The following IQSEC1 variants were observed in gnomAD, a reference collection of about 807,000 sequenced individuals.
The protein encoded by IQSEC1 is IQ motif and SEC7 domain-containing protein 1.
A neutral mutation model predicts 91.0 loss-of-function variants in IQSEC1; 31 were observed. The observed-to-expected ratio is 0.34, with a 90% CI of 0.26 to 0.46. IQSEC1 has a LOEUF of 0.46. Among genes scored for constraint, IQSEC1 ranks in the 20% least tolerant of loss-of-function variants. The pLI, the probability that IQSEC1 is intolerant of heterozygous loss-of-function variation, is 1.00. For missense variants in IQSEC1, 1,388 were observed against 1,575.6 expected, an observed-to-expected ratio of 0.88 and a Z score of 2.02; for synonymous variants, 699 against 662.6, an observed-to-expected ratio of 1.05 and a Z score of -0.84.
Position 12,967,080 on chromosome 3 carries a change from T to C in IQSEC1, c.24-25215A>G, listed in dbSNP as rs905460432. Among the ~76,000 whole-genome samples the C allele has an allele frequency of 6.8e-6, 1 of 146,806 alleles. No individual in the cohort carries two copies. Among genetic ancestry groups the C allele is most frequent in the African/African-American group, 2.5e-5 (1 of 39,764 alleles). On this transcript the variant is annotated intron_variant, in intron 1 of 13. Coordinates refer to ENST00000613206, the MANE Select transcript of IQSEC1 (RefSeq NM_001134382.3). This position sits in a 1 kb window ranked among gnomAD's most constrained non-coding sequence, Gnocchi z 5.9. ...AACTCAAACTCACCCCCACACCAAC[T>C]TGCACTCCAACAGGCCCTCGATCAC...
intron 1 of IQSEC1, among the ~76,000 whole-genome samples, chr3:13,246,201 G>A (rs535109645): frequency 3.9e-5 from 6 of 152,350 alleles, no homozygotes; most frequent in African/African-American, 9.6e-5. Flanking sequence ...GTTCTGGGCC[G>A]CACTGCCACA....
Position 13,053,442 on chromosome 3 carries a change from G to C in IQSEC1, c.23+19550C>G, listed in dbSNP as rs544691946. 7.2e-4 allele frequency among the ~76,000 whole-genome samples: 109 copies of C among 152,318 alleles called. 1 individual carries two copies. The highest frequency in any genetic ancestry group is 2.6e-3 in the African/African-American group (109 of 41,572). Reference sequence around the variant, plus strand: ...TTTCTGGAAGGAACACCTGGATCCAGGCCTCAGGGCGGGGTCTAGGTGGCC... The same window carrying C: ...TTTCTGGAAGGAACACCTGGATCCACGCCTCAGGGCGGGGTCTAGGTGGCC... On this transcript the variant is annotated intron_variant, in intron 1 of 13. Transcript: ENST00000613206.
chr3:13,096,682 G>A (rs1476898702), intron 2 of IQSEC1, among the ~76,000 whole-genome samples: 1 of 152,098 alleles, frequency 6.6e-6, no homozygotes, highest in Non-Finnish European at 1.5e-5. Flanking sequence ...AGACCATGCT[G>A]GCAAAGGGCA....
intron 1 of IQSEC1, among the ~76,000 whole-genome samples, chr3:13,069,419 C>A (rs150397275): frequency 6.9e-4 from 105 of 152,200 alleles, no homozygotes; most frequent in African/African-American, 2.4e-3. Flanking sequence ...TGTTCCAGGC[C>A]CAGTCCCACC....
chr3:13,220,062 C>T (rs1427199811), intron 1 of IQSEC1, among the ~76,000 whole-genome samples: 2 of 152,252 alleles, frequency 1.3e-5, no homozygotes, highest in African/African-American at 2.4e-5. Flanking sequence ...CCACCACCCC[C>T]GTCACAGGCT....
chr3:13,085,784 G>T (rs139747586), intron 2 of IQSEC1, among the ~76,000 whole-genome samples: 1 of 152,238 alleles, frequency 6.6e-6, no homozygotes, highest in Non-Finnish European at 1.5e-5. Context: ...GAGACTCGTC[G>T]CTGGCCTGAG....
rs958015988 is a variant in IQSEC1 at position 12,900,110 on chromosome 3, T to G, written c.*873A>C. 18 of 977,914 alleles carry G rather than the reference T, an allele frequency of 1.8e-5. No homozygotes were observed. The African/African-American group carries it at 3.2e-4, about 17-fold the overall frequency. 60.6% of individuals were successfully genotyped at this position (977,914 alleles called of 1,614,324 possible). On this transcript the variant is annotated 3_prime_UTR_variant, in exon 14 of 14. Transcript: ENST00000613206. ...GTGTACTGCAGTTTAGCTATTTGCT[T>G]ACCTGAAATAACAGCATTATAATAC...
At chr3:13,032,100 C>T (rs927628907) in intron 1 of IQSEC1, among the ~76,000 whole-genome samples, 1 of 152,184 alleles carries the variant, frequency 6.6e-6, no homozygotes, top group Admixed American at 6.5e-5. Flanking sequence ...CACACCTGTG[C>T]TCGCATACAC....
chr3:12,970,869 C>T lies in IQSEC1; in HGVS notation c.24-29004G>A, dbSNP rs1251716478. ...GTGAGCTGTATTCCAACTGCCAGGG[C>T]TGGTTCTATGTCCTTCCCTGCAGCA... On this transcript the variant is annotated intron_variant, in intron 1 of 13. Transcript: ENST00000613206. The surrounding 1 kb of genome is among the most constrained non-coding windows in gnomAD (Gnocchi z 4.4). Among the ~76,000 whole-genome samples, 1 of 152,240 alleles carries T rather than the reference C, an allele frequency of 6.6e-6. No individual in the cohort carries two copies. The highest frequency in any genetic ancestry group is 1.5e-5 in the Non-Finnish European group (1 of 68,038).
At chr3:13,174,028 G>C (rs1314928612) in intron 1 of IQSEC1, among the ~76,000 whole-genome samples, 2 of 152,144 alleles carry the variant, frequency 1.3e-5, no homozygotes, top group Non-Finnish European at 2.9e-5. Context: ...AAGACACAAG[G>C]GCTCGAACCA....
intron 1 of IQSEC1, among the ~76,000 whole-genome samples, chr3:13,018,266 C>T (rs1703237041): frequency 6.6e-6 from 1 of 152,152 alleles, no homozygotes; most frequent in Non-Finnish European, 1.5e-5. Context: ...GTCCAGGAAG[C>T]TCCCTGGAAG....
chr3:12,991,321 G>A (rs1559704207), intron 1 of IQSEC1, among the ~76,000 whole-genome samples: 1 of 152,190 alleles, frequency 6.6e-6, no homozygotes, highest in Non-Finnish European at 1.5e-5. Context: ...GCAGGGCGAG[G>A]CGGGGGCCCA....
Position 12,901,158 on chromosome 3 carries a change from T to C in IQSEC1, c.3170A>G (p.Gln1057Arg). The C allele has an allele frequency of 6.5e-7, 1 of 1,543,192 alleles. No individual in the cohort carries two copies. Residue 1057 changes from glutamine (Q) to arginine (R), a missense_variant, in exon 14 of 14, where the codon CAG (glutamine) becomes CGG (arginine). Coordinates refer to ENST00000613206, the MANE Select transcript of IQSEC1 (RefSeq NM_001134382.3). ...HPPQHIQHAH[Q>R]YHHGPHGGHP... ...GCCCCCATGGGGGCCGTGGTGGTAC[T>C]GGTGTGCGTGCTGGATGTGCTGGGG...
At chr3:13,033,858 T>C (rs1381853623) in intron 1 of IQSEC1, among the ~76,000 whole-genome samples, 1 of 152,120 alleles carries the variant, frequency 6.6e-6, no homozygotes, top group African/African-American at 2.4e-5. Context: ...AATTGTTCAT[T>C]TCATCCAGAA....
intron 1 of IQSEC1, among the ~76,000 whole-genome samples, chr3:13,031,383 C>T (rs373165728): frequency 2.6e-5 from 4 of 152,218 alleles, no homozygotes; most frequent in South Asian, 4.1e-4. Context: ...CTGGGGGACT[C>T]GGCCTCTGCA....
rs568064177 is a variant in IQSEC1, at chr3:13,149,565, C to T, written c.302+14539G>A. 3.3e-5 allele frequency among the ~76,000 whole-genome samples: 5 copies of T among 152,182 alleles called. No homozygotes were observed. The South Asian group carries it at 6.2e-4, about 19-fold the overall frequency. ...GGGAGGACGCAGCCTGTCAAAGGCC[C>T]GGAGGGTGATGCACCCTGGGAAATC... On this transcript the variant is annotated intron_variant, in intron 2 of 15. Coordinates refer to the IQSEC1 transcript ENST00000648114.
chr3:12,901,163 T>G lies in IQSEC1; in HGVS notation c.3165A>C (p.Ala1055=). Residue 1055 remains alanine (A), a synonymous_variant, in exon 14 of 14, where the codon GCA becomes GCC. Transcript: ENST00000613206. ...CATGGGGGCCGTGGTGGTACTGGTG[T>G]GCGTGCTGGATGTGCTGGGGTGGGT... ...HHHPPQHIQH[A]HQYHHGPHGG... is the part of the protein sequence containing the mutation. The G allele has an allele frequency of 6.5e-7, 1 of 1,543,634 alleles. No homozygotes were observed. Among genetic ancestry groups the G allele is most frequent in the Non-Finnish European group, 8.7e-7 (1 of 1,144,546 alleles).
intron 10 of IQSEC1, among the ~76,000 whole-genome samples, chr3:12,910,059 C>T (rs563502538): frequency 1.3e-5 from 2 of 152,034 alleles, no homozygotes; most frequent in African/African-American, 4.8e-5. Context: ...TATGTGTGCA[C>T]ATGTATGTAT....
chr3:12,918,727 C>T (rs201367080), intron 6 of IQSEC1, among the ~76,000 whole-genome samples: 2 of 152,230 alleles, frequency 1.3e-5, no homozygotes, highest in East Asian at 3.9e-4. Context: ...CAGGCTGAGG[C>T]AGGAGGATCT....
Sources: gnomAD v4.1 joint callset for allele counts (sites outside exome capture counted in the v4.1 genomes callset) on GRCh38, gnomAD v4.1.1 for gene constraint, Gnocchi (gnomAD v3.1) non-coding constraint, MANE v1.5 for transcripts, NCBI Gene and HGNC (gene_info 2026-07-23, HGNC 2026-07-21) for gene names.